ARSL: variants seen among roughly 807,000 people sequenced by gnomAD.
ARSL encodes the protein arylsulfatase E (chondrodysplasia punctata 1).
In ARSL, 4 loss-of-function variants were observed where a neutral mutation model predicts 31.1. That is an observed-to-expected ratio of 0.13 (90% CI 0.06 to 0.29). The LOEUF (loss-of-function observed/expected upper bound fraction) is 0.29. Among genes scored for constraint, ARSL ranks in the 10% least tolerant of loss-of-function variants. ARSL has a pLI of 1.00. For synonymous variants in ARSL, 198 were observed against 209.9 expected (o/e 0.94, Z 0.49); for missense variants, 312 against 497.8 (o/e 0.63, Z 3.55).
At chrX:2,937,005 G>T in intron 9 of ARSL, 142 bp from the exon 10 acceptor site, 1 of 840,097 alleles carries the variant, frequency 1.2e-6, no homozygotes. Context: ...TGTGAACGCA[G>T]ATGGATGGAA....
chrX:2,961,428 G>T (rs1481880080), intron 1 of ARSL, among the ~76,000 whole-genome samples: 4 of 111,583 alleles, frequency 3.6e-5, no homozygotes, highest in Non-Finnish European at 7.5e-5. Flanking sequence ...TATCTAAGGG[G>T]TCTGGAGAGT....
intron 5 of ARSL, among the ~76,000 whole-genome samples, chrX:2,952,318 G>A (rs1307463904): frequency 2.7e-5 from 3 of 111,376 alleles, no homozygotes; most frequent in African/African-American, 9.8e-5. Flanking sequence ...TTAAGTTGAT[G>A]TTCCTTTTCT....
At chrX:2,946,505 A>ATTT (rs139364080) in intron 6 of ARSL, among the ~76,000 whole-genome samples, 29 of 45,516 alleles carry the variant, frequency 6.4e-4, no homozygotes, top group African/African-American at 1.5e-3. Context: ...GGCCCAGCTA[A>ATTT]TTTTTTTTTT....
chrX:2,950,134 C>T (rs2089442339), intron 5 of ARSL, among the ~76,000 whole-genome samples: 1 of 111,806 alleles, frequency 8.9e-6, no homozygotes, highest in Admixed American at 9.5e-5. Flanking sequence ...CCTCCCTGGG[C>T]TTGTGGCCGC....
intron 3 of ARSL, 30 bp downstream of exon 3, chrX:2,958,244 G>A: frequency 8.3e-7 from 1 of 1,208,680 alleles, no homozygotes; most frequent in Non-Finnish European, 1.1e-6. Context: ...TGCATTGGGG[G>A]CACCAGGTGA....
chrX:2,944,924 G>A (rs2089351798), intron 7 of ARSL, among the ~76,000 whole-genome samples: 1 of 109,067 alleles, frequency 9.2e-6, no homozygotes, highest in Admixed American at 1.0e-4. Flanking sequence ...AAAGAAGACA[G>A]AAAGAAGAAA....
intron 5 of ARSL, among the ~76,000 whole-genome samples, chrX:2,951,052 C>T (rs1227610474): frequency 1.8e-5 from 2 of 111,927 alleles, no homozygotes; most frequent in Admixed American, 1.9e-4. Context: ...CATCTTCTCA[C>T]CTCAAGATTG....
Position 2,958,342 on chromosome X carries a change from G to A in ARSL, c.117C>T (p.Asn39=), listed in dbSNP as rs761290409. The A allele has an allele frequency of 2.5e-5, 30 of 1,210,424 alleles. No individual in the cohort carries two copies. Among genetic ancestry groups the A allele is most frequent in the Non-Finnish European group, 3.1e-5 (28 of 895,401 alleles). ...ASSDISASRP[N]ILLLMADDLG... is the part of the protein sequence containing the mutation. ...GGTCGTCCGCCATCAGAAGAAGGATGTTCGGTCGGGAGGCGGAAATGTCGC... is the reference window on the plus strand; with the variant it reads ...GGTCGTCCGCCATCAGAAGAAGGATATTCGGTCGGGAGGCGGAAATGTCGC... Residue 39 remains asparagine (N), a synonymous_variant, in exon 3 of 11, where the codon AAC becomes AAT. Coordinates refer to ENST00000381134, the MANE Select transcript of ARSL (RefSeq NM_000047.3).
At chrX:2,936,597 A>C (rs2089205012) in intron 10 of ARSL, 145 bp downstream of exon 10, 2 of 809,787 alleles carry the variant, frequency 2.5e-6, no homozygotes, top group South Asian at 4.9e-5. Context: ...AAATTTAAAA[A>C]GCTCGTGGAG....
chrX:2,960,459 A>G (rs1257074788), intron 1 of ARSL, 39 bp from the exon 2 acceptor site: 1 of 1,186,865 alleles, frequency 8.4e-7, no homozygotes, highest in Non-Finnish European at 1.1e-6. Context: ...CATTGACAGC[A>G]GAAATTGACC....
At position 2,949,565 on chromosome X, in the gene ARSL, T is replaced by C. The variant is rs780625663; in HGVS notation, c.593A>G (p.Asn198Ser). Residue 198 changes from asparagine (N) to serine (S), a missense_variant, in exon 6 of 11, where the codon AAC becomes AGC. Coordinates refer to ENST00000381134, the MANE Select transcript of ARSL (RefSeq NM_000047.3). ...EKRVNLEQKL[N>S]FLFQVLALVA... is the part of the protein sequence containing the mutation. ...CAAGGCCAGGACTTGGAAGAGGAAG[T>C]TGAGTTTTTGTTCCAGGTTGACACG... is the stretch of plus-strand genomic sequence containing the variant. The C allele has an allele frequency of 1.2e-5, 14 of 1,208,194 alleles. No homozygotes were observed. In the African/African-American group the frequency reaches 2.1e-4, roughly 18 times the overall value.
Position 2,934,985 on chromosome X carries a change from T to C in ARSL, c.1617A>G (p.Glu539=). 1 of 1,211,389 alleles carries C rather than the reference T, an allele frequency of 8.3e-7. No homozygotes were observed. The change falls in exon 11 of 11, where the codon GAA becomes GAG. Residue 539 remains glutamate, a synonymous_variant. Coordinates refer to ENST00000381134, the MANE Select transcript of ARSL (RefSeq NM_000047.3). The part of the protein sequence containing the change: ...ASEPVFYQVM[E]RVQQAVWEHQ... ...GTTCCCACACCGCCTGCTGGACTCG[T>C]TCCATCACCTGATAGAACACGGGCT...
chrX:2,961,341 G>C (rs986989513), intron 1 of ARSL, among the ~76,000 whole-genome samples: 3 of 111,235 alleles, frequency 2.7e-5, no homozygotes, highest in African/African-American at 3.3e-5. Flanking sequence ...GGGTACTGCA[G>C]TGGTCTGACC....
chrX:2,960,404 GTC>G lies in ARSL; in HGVS notation c.-6_-5del, dbSNP rs200332753. The G allele has an allele frequency of 3.1e-4, 372 of 1,192,194 alleles. No individual in the cohort carries two copies. The South Asian group carries it at 4.1e-3, about 13-fold the overall frequency. On this transcript the variant is annotated 5_prime_UTR_variant, in exon 2 of 11. Transcript: ENST00000381134. ...AAGAATGGTGCAGATGTAACATGTT[GTC>G]TCTCTCTCTACTTCCTGTAAGACAT...
chrX:2,946,539 A>T (rs1342701339), intron 6 of ARSL, among the ~76,000 whole-genome samples: 1 of 70,546 alleles, frequency 1.4e-5, no homozygotes, highest in Non-Finnish European at 2.5e-5. Flanking sequence ...TTTTGTAGAG[A>T]CAGGGTCTCA....
chrX:2,958,295 C>T lies in ARSL; in HGVS notation c.164G>A (p.Cys55Tyr). The T allele has an allele frequency of 8.3e-7, 1 of 1,211,819 alleles. No individual in the cohort carries two copies. The change falls in exon 3 of 11, where the codon TGC becomes TAC. Residue 55 changes from cysteine to tyrosine, a missense_variant. By Grantham distance (194) the Cys-to-Tyr change is radical (BLOSUM62 -2). Coordinates refer to ENST00000381134, the MANE Select transcript of ARSL (RefSeq NM_000047.3). Reference protein sequence around the residue: ...ADDLGIGDIGCYGNNTMRTPN... With the variant: ...ADDLGIGDIGYYGNNTMRTPN... ...TTGCCTCATGGTGTTGTTGCCATAG[C>T]AGCCAATGTCCCCAATGCCAAGGTC...
In ARSL at chrX:2,959,991, C is replaced by T. The variant is rs750358014; in HGVS notation, c.23+387G>A. On this transcript the variant is annotated intron_variant, in intron 2 of 10. Coordinates refer to ENST00000381134, the MANE Select transcript of ARSL (RefSeq NM_000047.3). ...AGAGAAAGAAAGAAAGAAAAGAGGC[C>T]GGGCGCGGTGGCTCACGCCTGTAAT... is the stretch of plus-strand genomic sequence containing the variant. The T allele has an allele frequency of 5.2e-4, 116 of 221,657 alleles. 1 individual carries two copies. Among genetic ancestry groups the T allele is most frequent in the Non-Finnish European group, 7.5e-4 (95 of 125,904 alleles). 18.3% of individuals were successfully genotyped at this position (221,657 alleles called of 1,213,427 possible).
rs776323240 is a variant in ARSL at position 2,949,460 on chromosome X, G to A, written c.698C>T (p.Ser233Leu). The A allele has an allele frequency of 2.3e-5, 28 of 1,209,220 alleles. No homozygotes were observed. The East Asian group carries it at 5.6e-4, about 24-fold the overall frequency. The stretch of plus-strand genomic sequence containing the variant: ...GGAGCTTGCGAGGAGGAGGACGGCC[G>A]AAAGGGCTGACCAGATGACCGGCAT... ...SWMPVIWSAL[S>L]AVLLLASSYF... The change falls in exon 6 of 11, where the codon TCG (serine) becomes TTG (leucine). Residue 233 changes from serine to leucine, a missense_variant. By Grantham distance (145) the Ser-to-Leu change is moderately radical. Transcript: ENST00000381134.
At chrX:2,943,285 G>C (rs764595849) in intron 7 of ARSL, 86 bp from the exon 8 acceptor site, 1 of 1,097,731 alleles carries the variant, frequency 9.1e-7, no homozygotes, top group Non-Finnish European at 1.2e-6. Flanking sequence ...GCATTCGGGG[G>C]CTAGCCACAA....
Sources: gnomAD v4.1 joint callset for allele counts (sites outside exome capture counted in the v4.1 genomes callset) on GRCh38, gnomAD v4.1.1 for gene constraint, MANE v1.5 for transcripts, NCBI Gene and HGNC (gene_info 2026-07-23, HGNC 2026-07-21) for gene names.